Variants in ZNF3 observed in about 807,000 individuals in gnomAD.
ZNF3 encodes C2-H2 type zinc finger protein.
Under a neutral mutation model 36.9 loss-of-function variants are expected in ZNF3, and 16 were observed. The observed-to-expected ratio is 0.43, with a 90% CI of 0.29 to 0.66. ZNF3 has a LOEUF of 0.66. Ranked by LOEUF, ZNF3 falls within the 30% of genes least tolerant of loss-of-function variation. The pLI is 0.13. For synonymous variants in ZNF3, 201 were observed against 201.9 expected, an observed-to-expected ratio of 1.00 and a Z score of 0.04; for missense variants, 462 against 543.1, an observed-to-expected ratio of 0.85 and a Z score of 1.48.
chr7:100,081,315 C>T lies in ZNF3; in HGVS notation c.-198+320G>A, dbSNP rs930711136. On this transcript the variant is annotated intron_variant, in intron 1 of 5. Transcript: ENST00000299667. The surrounding 1 kb of genome is among the most constrained non-coding windows in gnomAD (Gnocchi z 4.3). ...TGGGAGAAATACCAAGTTAGGGTCG[C>T]TGTCATTAGCTGCTTTCAAGAGAGA... is the stretch of plus-strand genomic sequence containing the variant. 2.0e-5 allele frequency among the ~76,000 whole-genome samples: 3 copies of T among 152,262 alleles called. No individual in the cohort carries two copies. The highest frequency in any genetic ancestry group is 7.2e-5 in the African/African-American group (3 of 41,472).
In ZNF3 at chr7:100,081,438, C is replaced by A. The variant is rs1020148752; in HGVS notation, c.-198+197G>T. Among the ~76,000 whole-genome samples the A allele has an allele frequency of 2.0e-5, 3 of 152,220 alleles. No individual in the cohort carries two copies. Among genetic ancestry groups the A allele is most frequent in the African/African-American group, 7.2e-5 (3 of 41,460 alleles). On this transcript the variant is annotated intron_variant, in intron 1 of 5. Coordinates refer to ENST00000299667, the MANE Select transcript of ZNF3 (RefSeq NM_032924.5). This position sits in a 1 kb window ranked among gnomAD's most constrained non-coding sequence, Gnocchi z 4.3. The stretch of plus-strand genomic sequence containing the variant: ...CGGAGCCCCATTACTAACCCCTACG[C>A]AGGATCCCGCTAGGCTAGGGGGATC...
At chr7:100,065,079 T>C (rs1460000029), downstream of ZNF3, 4 of 972,288 alleles carry the variant, frequency 4.1e-6, no homozygotes, top group Non-Finnish European at 5.9e-6. Flanking sequence ...ATGTGTTGGT[T>C]ATTGAATACT....
In ZNF3 at chr7:100,070,211, T is replaced by G; in HGVS notation, c.*932A>C. On this transcript the variant is annotated 3_prime_UTR_variant, in exon 6 of 6. Transcript: ENST00000299667. ...GGGCTTTGCTCTTTCTCTGCATTAA[T>G]CTTCAGCTGCTGAAGAGTCAGAGGT... The G allele has an allele frequency of 1.0e-6, 1 of 985,302 alleles. No homozygotes were observed. The highest frequency in any genetic ancestry group is 1.2e-6 in the Non-Finnish European group (1 of 829,920). The allele number at this position is 985,302 out of a possible 1,614,324, so 61.0% of individuals were successfully genotyped here.
exon 6 of ZNF3, chr7:100,064,711 A>T (rs1370818848): frequency 1.7e-5 from 28 of 1,608,698 alleles, no homozygotes; most frequent in Non-Finnish European, 2.3e-5. Flanking sequence ...GATTCCGGTG[A>T]TAGAGTTTGT....
chr7:100,071,188 G>A lies in ZNF3; in HGVS notation c.1296C>T (p.Ser432=). The A allele has an allele frequency of 1.2e-6, 2 of 1,610,546 alleles. No homozygotes were observed. The highest frequency in any genetic ancestry group is 1.7e-6 in the Non-Finnish European group (2 of 1,177,942). ...KPLNGIGMSK[S]SLRVTTELNI... ...TTAACTCGGTCGTAACTCTGAGGGA[G>A]CTTTTGCTCATGCCGATCCCATTCA... Residue 432 remains serine, a synonymous_variant, in exon 6 of 6, where the codon AGC becomes AGT. Transcript: ENST00000299667.
chr7:100,064,855 G>A (rs775760230), exon 6 of ZNF3: 3 of 1,613,638 alleles, frequency 1.9e-6, no homozygotes, highest in Non-Finnish European at 2.5e-6. Context: ...CACACTTAGG[G>A]TCCCAGTAAG....
At chr7:100,064,418 G>A in exon 6 of ZNF3, 1 of 1,603,716 alleles carries the variant, frequency 6.2e-7, no homozygotes, top group Non-Finnish European at 8.5e-7. Context: ...TCCCACCAGA[G>A]ACTCCACACC....
At chr7:100,072,460 G>A (rs1054341947) in intron 5 of ZNF3, among the ~76,000 whole-genome samples, 1 of 152,154 alleles carries the variant, frequency 6.6e-6, no homozygotes, top group Non-Finnish European at 1.5e-5. Context: ...TGTGTGGAGG[G>A]GAGGACGGAT....
downstream of ZNF3, among the ~76,000 whole-genome samples, chr7:100,068,009 AG>A (rs1562855199): frequency 6.6e-6 from 1 of 152,188 alleles, no homozygotes; most frequent in Non-Finnish European, 1.5e-5. Flanking sequence ...ATGAAACTGT[AG>A]AAAGTCCAGG....
At chr7:100,069,862 C>T (rs1792862905), downstream of ZNF3, 8 of 859,434 alleles carry the variant, frequency 9.3e-6, no homozygotes, top group Non-Finnish European at 1.1e-5. Flanking sequence ...ATCTGCCTGC[C>T]TTGGCCTCCC....
chr7:100,075,576 A>T lies in ZNF3; in HGVS notation c.110T>A (p.Met37Lys), dbSNP rs1483562652. 3.7e-6 allele frequency: 6 copies of T among 1,614,026 alleles called. No homozygotes were observed. Among genetic ancestry groups the T allele is most frequent in the Non-Finnish European group, 4.2e-6 (5 of 1,180,032 alleles). Residue 37 changes from methionine (M) to lysine (K), a missense_variant, in exon 4 of 6, where the codon ATG becomes AAG. By Grantham distance (95) the Met-to-Lys change is moderately conservative. Coordinates refer to ENST00000299667, the MANE Select transcript of ZNF3 (RefSeq NM_032924.5). ...GGCCTTTAGGAGCGCAGCCGCCAAC[A>T]TCTCATCCCCCAGGCTGTCCTTGTC... ...FSDKDSLGDE[M>K]LAAALLKAKS... is the part of the protein sequence containing the mutation.
chr7:100,075,019 T>G, intron 5 of ZNF3, 116 bp downstream of exon 5: 1 of 1,330,520 alleles, frequency 7.5e-7, no homozygotes, highest in Non-Finnish European at 1.0e-6. Context: ...ATTGTGCCAT[T>G]GCACCTCAAA....
In ZNF3 at chr7:100,070,853, T is replaced by C; in HGVS notation, c.*290A>G. On this transcript the variant is annotated 3_prime_UTR_variant, in exon 6 of 6. Transcript: ENST00000299667. ...CCCGACTGTGCTTCCATCCCCACCT[T>C]GGAAAGGTTCCTCTGCTGTGAGAAA... 1 of 1,166,228 alleles carries C rather than the reference T, an allele frequency of 8.6e-7. No individual in the cohort carries two copies. Among genetic ancestry groups the C allele is most frequent in the Non-Finnish European group, 1.1e-6 (1 of 944,030 alleles). 72.2% of individuals were successfully genotyped at this position (1,166,228 alleles called of 1,614,324 possible).
At chr7:100,064,419 A>C (rs943466071) in exon 6 of ZNF3, 2 of 1,595,280 alleles carry the variant, frequency 1.3e-6, no homozygotes, top group Non-Finnish European at 1.7e-6. Context: ...CCCACCAGAG[A>C]CTCCACACCG....
intron 1 of ZNF3, among the ~76,000 whole-genome samples, chr7:100,080,290 T>A (rs972584157): frequency 6.6e-6 from 1 of 152,186 alleles, no homozygotes; most frequent in Admixed American, 6.5e-5. Flanking sequence ...GCTGAAAATC[T>A]ATCTCCTTGG....
At chr7:100,069,802 G>A (rs564671695), downstream of ZNF3, among the ~76,000 whole-genome samples, 12 of 152,104 alleles carry the variant, frequency 7.9e-5, no homozygotes, top group African/African-American at 2.7e-4. Flanking sequence ...TAGTAGAGAC[G>A]GGGTTTCTCC....
At position 100,070,376 on chromosome 7, in the gene ZNF3, CAA is replaced by C. The variant is rs1222117979; in HGVS notation, c.*765_*766del. 3 of 985,316 alleles carry C rather than the reference CAA, an allele frequency of 3.0e-6. No individual in the cohort carries two copies. The highest frequency in any genetic ancestry group is 1.7e-5 in the African/African-American group (1 of 57,198). 61.0% of individuals were successfully genotyped at this position (985,316 alleles called of 1,614,324 possible). A position where few individuals can be genotyped will look rare whatever the true frequency, so the allele number is the denominator to read the frequency against. ...TTTCATCATTGGAGTGGGAAGAGGA[CAA>C]GAGAGGACAGCAATCAGAGGCCAAC... On this transcript the variant is annotated 3_prime_UTR_variant, in exon 6 of 6. Transcript: ENST00000299667.
At chr7:100,067,749 CAG>C (rs974333619), downstream of ZNF3, among the ~76,000 whole-genome samples, 2 of 152,166 alleles carry the variant, frequency 1.3e-5, no homozygotes, top group African/African-American at 4.8e-5. Context: ...AACGCTGACA[CAG>C]AGTATATGCC....
intron 2 of ZNF3, 123 bp from the exon 3 acceptor site, chr7:100,077,556 T>A: frequency 1.2e-6 from 1 of 843,448 alleles, no homozygotes. Flanking sequence ...CAACTGGGAC[T>A]AGTCTTTTAT....
Sources: allele counts gnomAD v4.1 joint callset (sites outside exome capture counted in the v4.1 genomes callset), GRCh38; gene constraint gnomAD v4.1.1; non-coding constraint Gnocchi (gnomAD v3.1); transcripts MANE v1.5; gene names NCBI Gene and HGNC (gene_info 2026-07-23, HGNC 2026-07-21).